Variants in DCAF17 observed in about 807,000 individuals in gnomAD.
DCAF17 encodes the protein DDB1 and CUL4 associated factor 17.
DCAF17 carries 48 observed loss-of-function variants against 66.0 expected under a neutral mutation model. The ratio of observed to expected loss-of-function variants is 0.73; its 90% CI spans 0.58 to 0.92. The LOEUF (loss-of-function observed/expected upper bound fraction) is 0.92, where lower values mean the gene tolerates loss of function less well. Ranked by LOEUF, DCAF17 falls within the 40% of genes least tolerant of loss-of-function variation. The pLI is 0.00. For missense variants in DCAF17, 562 were observed against 622.8 expected (o/e 0.90, Z 1.04); for synonymous variants, 206 against 214.6 (o/e 0.96, Z 0.35).
intron 9 of DCAF17, among the ~76,000 whole-genome samples, chr2:171,473,436 C>G (rs1198079840): frequency 6.6e-6 from 1 of 151,902 alleles, no homozygotes; most frequent in Non-Finnish European, 1.5e-5. Flanking sequence ...GAGACTCTAT[C>G]TCTATTTAAA....
At chr2:171,436,332 A>C (rs1316807308) in intron 2 of DCAF17, among the ~76,000 whole-genome samples, 1 of 152,162 alleles carries the variant, frequency 6.6e-6, no homozygotes, top group Non-Finnish European at 1.5e-5. Context: ...CCTAGATTAT[A>C]CCTAGGAATG....
Position 171,482,797 on chromosome 2 carries a change from T to G in DCAF17, c.*1683T>G. On this transcript the variant is annotated 3_prime_UTR_variant, in exon 14 of 14. Coordinates refer to ENST00000375255, the MANE Select transcript of DCAF17 (RefSeq NM_025000.4). ...AGAAATAGCTGAATTCCTGGCTGCT[T>G]TTTTGCTGGGGGTAGATGGTGGAAT... 1 of 453,828 alleles carries G rather than the reference T, an allele frequency of 2.2e-6. No homozygotes were observed. The highest frequency in any genetic ancestry group is 4.4e-6 in the Non-Finnish European group (1 of 226,728). 28.1% of individuals were successfully genotyped at this position (453,828 alleles called of 1,614,324 possible). A position where few individuals can be genotyped will look rare whatever the true frequency, so the allele number is the denominator to read the frequency against.
intron 2 of DCAF17, among the ~76,000 whole-genome samples, chr2:171,439,511 C>CTTTTTTTTTTTTTTTTTTTTTTTT (rs374646610): frequency 2.1e-5 from 2 of 94,772 alleles, no homozygotes; most frequent in Non-Finnish European, 4.3e-5. Flanking sequence ...CTTTTTTTTC[C>CTTTTTTTTTTTTTTTTTTTTTTTT]TTTTTTTTTT....
intron 8 of DCAF17, among the ~76,000 whole-genome samples, chr2:171,466,055 G>A (rs1695879305): frequency 6.6e-6 from 1 of 151,968 alleles, no homozygotes; most frequent in Non-Finnish European, 1.5e-5. Flanking sequence ...GTAGAGGTGA[G>A]GTTTTGCCAT....
chr2:171,477,022 A>G lies in DCAF17; in HGVS notation c.1182+72A>G. ...ATATAAGACTATAATATGCTAATAT[A>G]TTTGCCTTTGAGTGTAGCAGAAAAC... On this transcript the variant is annotated intron_variant, in intron 11 of 13. Transcript: ENST00000375255. 8 of 1,211,588 alleles carry G rather than the reference A, an allele frequency of 6.6e-6. No homozygotes were observed. The South Asian group carries it at 8.8e-5, about 13-fold the overall frequency. The allele number at this position is 1,211,588 out of a possible 1,614,324, so 75.1% of individuals were successfully genotyped here.
chr2:171,473,780 C>G (rs769153707), intron 9 of DCAF17, 86 bp from the exon 10 acceptor site: 1 of 1,040,242 alleles, frequency 9.6e-7, no homozygotes, highest in Non-Finnish European at 1.5e-6. Flanking sequence ...GTACCTTTGA[C>G]CTACTGATCT....
chr2:171,458,537 T>C (rs1695394595), intron 8 of DCAF17, 60 bp downstream of exon 8: 1 of 1,243,894 alleles, frequency 8.0e-7, no homozygotes, highest in Non-Finnish European at 1.2e-6. Flanking sequence ...TATAAATAGT[T>C]ATTAATTATA....
At chr2:171,463,220 A>G (rs1181765665) in intron 8 of DCAF17, among the ~76,000 whole-genome samples, 2 of 125,370 alleles carry the variant, frequency 1.6e-5, no homozygotes, top group East Asian at 2.3e-4. Flanking sequence ...ATGGAGCGAG[A>G]TTTTAAAAAA....
At chr2:171,459,664 G>T (rs17220608) in intron 8 of DCAF17, among the ~76,000 whole-genome samples, 30,681 of 151,950 alleles carry the variant, frequency 0.2, 3,240 homozygotes, top group South Asian at 0.28. Context: ...CCTTAACATT[G>T]TATTAGTAAT....
intron 8 of DCAF17, 33 bp from the exon 9 acceptor site, chr2:171,468,855 G>A (rs1194579838): frequency 2.5e-6 from 4 of 1,613,970 alleles, no homozygotes; most frequent in East Asian, 2.2e-5. Flanking sequence ...CCAGAACAGT[G>A]CAGCTAATGA....
At position 171,461,382 on chromosome 2, in the gene DCAF17, G is replaced by A. The variant is rs77471594; in HGVS notation, c.838+2905G>A. ...GCAGAGGTTGCAGTGAGCCGAGATCGTGCCACTGCACTCCAGCCTGGGCGA... is the reference window on the plus strand; with the variant it reads ...GCAGAGGTTGCAGTGAGCCGAGATCATGCCACTGCACTCCAGCCTGGGCGA... On this transcript the variant is annotated intron_variant, in intron 8 of 13. Coordinates refer to ENST00000375255, the MANE Select transcript of DCAF17 (RefSeq NM_025000.4). Among the ~76,000 whole-genome samples, 3,703 of 152,058 alleles carry A rather than the reference G, an allele frequency of 0.024. 612 individuals carry two copies. The East Asian group carries it at 0.47, about 19-fold the overall frequency.
At chr2:171,438,297 C>T (rs1051442856) in intron 2 of DCAF17, among the ~76,000 whole-genome samples, 1 of 152,112 alleles carries the variant, frequency 6.6e-6, no homozygotes, top group Non-Finnish European at 1.5e-5. Flanking sequence ...CCTTGGTGAA[C>T]GTTTCGTGTA....
At chr2:171,463,012 C>G (rs1017595085) in intron 8 of DCAF17, among the ~76,000 whole-genome samples, 2 of 152,016 alleles carry the variant, frequency 1.3e-5, no homozygotes, top group African/African-American at 4.8e-5. Context: ...AAGTGGATCA[C>G]TTGAGGTCAG....
rs569813251 is a variant in DCAF17, at chr2:171,441,480, C to G, written c.231-2043C>G. 1.1e-3 allele frequency among the ~76,000 whole-genome samples: 160 copies of G among 152,286 alleles called. 1 individual carries two copies. In the South Asian group the frequency reaches 0.012, roughly 12 times the overall value. On this transcript the variant is annotated intron_variant, in intron 2 of 13. Coordinates refer to ENST00000375255, the MANE Select transcript of DCAF17 (RefSeq NM_025000.4). ...CTACATCCAAGGTAGATCCTCCATC[C>G]CATGAATAGGGGCTGGGTGGAAGAA...
chr2:171,448,703 C>T lies in DCAF17; in HGVS notation c.344C>T (p.Ser115Leu). The change falls in exon 4 of 14, where the codon TCA becomes TTA. Residue 115 changes from serine to leucine, a missense_variant. Physicochemically the swap from Ser to Leu is moderately radical, Grantham distance 145. This residue lies in a region of DCAF17 where 348 missense variants were observed against 355.9 expected (regional missense o/e 0.98). Transcript: ENST00000375255. ...CPVGDILPNSSDYKSSLIALT... is the reference protein window; with the variant it reads ...CPVGDILPNSLDYKSSLIALT... ...TAGGGAGATATACTTCCCAATTCATCAGATTATAAGTCCTCACTCATAGCA... is the reference window on the plus strand; with the variant it reads ...TAGGGAGATATACTTCCCAATTCATTAGATTATAAGTCCTCACTCATAGCA... The T allele has an allele frequency of 1.3e-6, 2 of 1,592,922 alleles. No homozygotes were observed.
At chr2:171,469,053 T>C in intron 9 of DCAF17, 23 bp downstream of exon 9, 1 of 1,613,566 alleles carries the variant, frequency 6.2e-7, no homozygotes, top group African/African-American at 1.3e-5. Flanking sequence ...TCAGACTTTT[T>C]ATTAGCAAAT....
At position 171,453,198 on chromosome 2, in the gene DCAF17, A is replaced by G; in HGVS notation, c.612A>G (p.Leu204=). Residue 204 remains leucine, a synonymous_variant, in exon 6 of 14, where the codon CTA becomes CTG. Transcript: ENST00000375255. ...TACCTTTTTCACTTGTAGGGATTCT[A>G]GAGATCAACAAAAAGGTAAGAACTC... ...RVLPFSLVGI[L]EINKKIFGNV... The G allele has an allele frequency of 6.2e-7, 1 of 1,611,688 alleles. No homozygotes were observed. Among genetic ancestry groups the G allele is most frequent in the Non-Finnish European group, 8.5e-7 (1 of 1,178,430 alleles).
At chr2:171,456,440 T>G (rs1184841520) in intron 6 of DCAF17, among the ~76,000 whole-genome samples, 1 of 152,238 alleles carries the variant, frequency 6.6e-6, no homozygotes, top group Admixed American at 6.5e-5. Flanking sequence ...GCATGATGTC[T>G]CCAGCTTTGT....
At chr2:171,437,373 C>T (rs1694034661) in intron 2 of DCAF17, among the ~76,000 whole-genome samples, 2 of 152,140 alleles carry the variant, frequency 1.3e-5, no homozygotes, top group East Asian at 1.9e-4. Flanking sequence ...GGCCTTGCCA[C>T]CCTTGTCAAA....
Sources: allele counts gnomAD v4.1 joint callset (sites outside exome capture counted in the v4.1 genomes callset), GRCh38; gene constraint gnomAD v4.1.1; regional missense constraint gnomAD v4.1.1; transcripts MANE v1.5; gene names NCBI Gene and HGNC (gene_info 2026-07-23, HGNC 2026-07-21).